SQSTM1: variants seen among roughly 807,000 people sequenced by gnomAD.
SQSTM1 encodes the protein sequestosome-1.
In SQSTM1, 36 loss-of-function variants were observed where a neutral mutation model predicts 45.1. That is an observed-to-expected ratio of 0.80 (90% CI 0.61 to 1.05). SQSTM1 has a LOEUF of 1.05. SQSTM1 is among the 50% of genes least tolerant of loss of function. SQSTM1 has a pLI of 0.00. For missense variants in SQSTM1, 617 were observed against 607.1 expected, an observed-to-expected ratio of 1.02 and a Z score of -0.17; for synonymous variants, 290 against 244.3, an observed-to-expected ratio of 1.19 and a Z score of -1.74.
chr5:179,809,325 ATTTT>A (rs71001049), intron 1 of SQSTM1, among the ~76,000 whole-genome samples: 1 of 41,074 alleles, frequency 2.4e-5, no homozygotes, highest in South Asian at 1.4e-3. Context: ...CGCCTGGCTA[ATTTT>A]TTTTTTTTTT....
intron 5 of SQSTM1, among the ~76,000 whole-genome samples, chr5:179,825,754 C>T (rs547168849): frequency 6.6e-6 from 1 of 152,274 alleles, no homozygotes; most frequent in African/African-American, 2.4e-5. Context: ...CCTCAGGTTG[C>T]ACAGTGGGTC....
chr5:179,837,732 G>A lies in SQSTM1; in HGVS notation c.*1139G>A, dbSNP rs1758665185. The A allele has an allele frequency of 1.9e-6, 3 of 1,614,206 alleles. No homozygotes were observed. The highest frequency in any genetic ancestry group is 2.2e-5 in the East Asian group (1 of 44,884). On this transcript the variant is annotated 3_prime_UTR_variant, in exon 8 of 8. Transcript: ENST00000389805. Reference sequence around the variant, plus strand: ...CTTTTTCTAGGTGGCAGGACAAATTGCGCCCATTTAGAGGATGTGGCTGTA... The same window carrying A: ...CTTTTTCTAGGTGGCAGGACAAATTACGCCCATTTAGAGGATGTGGCTGTA...
At chr5:179,833,338 C>A in intron 6 of SQSTM1, 92 bp downstream of exon 6, 1 of 1,286,656 alleles carries the variant, frequency 7.8e-7, no homozygotes, top group Non-Finnish European at 1.1e-6. Context: ...CCTCTGCAGC[C>A]CCACTTACAA....
At chr5:179,828,564 A>G (rs1398180236) in intron 5 of SQSTM1, among the ~76,000 whole-genome samples, 1 of 151,796 alleles carries the variant, frequency 6.6e-6, no homozygotes, top group Admixed American at 6.6e-5. Context: ...AGTAGAGACG[A>G]GGTTTCTCTG....
At chr5:179,811,053 T>TAA (rs1356928138) in intron 1 of SQSTM1, among the ~76,000 whole-genome samples, 1 of 152,058 alleles carries the variant, frequency 6.6e-6, no homozygotes, top group African/African-American at 2.4e-5. Context: ...CCATCTTAGC[T>TAA]AACACGGTGA....
chr5:179,813,386 G>A (rs547828575), intron 2 of SQSTM1: 2 of 152,382 alleles, frequency 1.3e-5, no homozygotes, highest in African/African-American at 4.8e-5. Context: ...GGCAGACCTG[G>A]GCAGGGCAGA....
At position 179,836,614 on chromosome 5, in the gene SQSTM1, T is replaced by C; in HGVS notation, c.*21T>C. On this transcript the variant is annotated 3_prime_UTR_variant, in exon 8 of 8. Transcript: ENST00000389805. The stretch of plus-strand genomic sequence containing the variant: ...TGTGACCACTTTTGCCCACCTCTTC[T>C]GCGTGCCCCTCTTCTGTCTCATAGT... 2 of 1,611,684 alleles carry C rather than the reference T, an allele frequency of 1.2e-6. No individual in the cohort carries two copies. Among genetic ancestry groups the C allele is most frequent in the South Asian group, 2.2e-5 (2 of 90,998 alleles).
intron 1 of SQSTM1, among the ~76,000 whole-genome samples, 156 bp downstream of exon 1, chr5:179,821,297 C>A (rs569485768): frequency 6.6e-6 from 1 of 152,322 alleles, no homozygotes; most frequent in Non-Finnish European, 1.5e-5. Context: ...CATGGGTCCC[C>A]AGTTCGGCCA....
At chr5:179,820,562 T>A, upstream of SQSTM1, 1 of 199,468 alleles carries the variant, frequency 5.0e-6, no homozygotes, top group Non-Finnish European at 1.0e-5. Context: ...TGCTGAGTCA[T>A]GGCCAGGCCC....
chr5:179,807,791 T>C (rs1757245812), intron 1 of SQSTM1: 3 of 152,316 alleles, frequency 2.0e-5, no homozygotes, highest in African/African-American at 7.2e-5. Flanking sequence ...TAGCTGGGAC[T>C]ACAGGCGGCC....
At chr5:179,835,211 C>A in intron 7 of SQSTM1, 1 of 190,882 alleles carries the variant, frequency 5.2e-6, no homozygotes, top group Non-Finnish European at 1.1e-5. Flanking sequence ...ACTGGGCAGC[C>A]AGGCAGAGGG....
chr5:179,808,142 C>T (rs1266853088), intron 1 of SQSTM1: 1 of 152,280 alleles, frequency 6.6e-6, no homozygotes, highest in Non-Finnish European at 1.5e-5. Flanking sequence ...CCCACCCGCC[C>T]GGGGGAGGCC....
At position 179,837,082 on chromosome 5, in the gene SQSTM1, G is replaced by A. The variant is rs1373934625; in HGVS notation, c.*489G>A. ...TGGGCTTCCTGCTGGGACTGAGAAG[G>A]CTCACGAAGGGCATCCGCAATGTTG... On this transcript the variant is annotated 3_prime_UTR_variant, in exon 8 of 8. Transcript: ENST00000389805. The A allele has an allele frequency of 2.5e-6, 2 of 808,522 alleles. No homozygotes were observed. Among genetic ancestry groups the A allele is most frequent in the East Asian group, 2.7e-5 (1 of 37,682 alleles). The allele number at this position is 808,522 out of a possible 1,614,324, so 50.1% of individuals were successfully genotyped here.
Position 179,837,726 on chromosome 5 carries a change from C to T in SQSTM1, c.*1133C>T. On this transcript the variant is annotated 3_prime_UTR_variant, in exon 8 of 8. Transcript: ENST00000389805. ...TGTGAACTTTTTCTAGGTGGCAGGA[C>T]AAATTGCGCCCATTTAGAGGATGTG... The T allele has an allele frequency of 2.0e-5, 32 of 1,614,250 alleles. No individual in the cohort carries two copies. Among genetic ancestry groups the T allele is most frequent in the Non-Finnish European group, 2.7e-5 (32 of 1,180,044 alleles).
At chr5:179,808,355 GCTC>G (rs1223794483) in intron 1 of SQSTM1, 1 of 152,244 alleles carries the variant, frequency 6.6e-6, no homozygotes, top group Non-Finnish European at 1.5e-5. Flanking sequence ...CCCACTCAGT[GCTC>G]CTGGAACTTT....
rs1260029848 is a variant in SQSTM1 at position 179,827,938 on chromosome 5, G to A, written c.754+2712G>A. ...GTGAAGTGCCAAGGCCTTTTGGTTG[G>A]GGGGCTGAGAACCTGCTGAGGGAGC... On this transcript the variant is annotated intron_variant, in intron 5 of 7. Transcript: ENST00000389805. Among the ~76,000 whole-genome samples the A allele has an allele frequency of 2.6e-5, 4 of 152,224 alleles. 1 individual carries two copies. In the South Asian group the frequency reaches 6.2e-4, roughly 24 times the overall value.
chr5:179,831,928 C>T (rs968017005), intron 5 of SQSTM1, among the ~76,000 whole-genome samples: 2 of 151,930 alleles, frequency 1.3e-5, no homozygotes, highest in Non-Finnish European at 2.9e-5. Context: ...AGACTACAGG[C>T]GATTGCCACC....
intron 1 of SQSTM1, among the ~76,000 whole-genome samples, chr5:179,807,109 G>C (rs1474936530): frequency 6.6e-6 from 1 of 151,644 alleles, no homozygotes; most frequent in Admixed American, 6.6e-5. Flanking sequence ...GTGGGCTCGT[G>C]CGAGTCGGCC....
At position 179,833,193 on chromosome 5, in the gene SQSTM1, T is replaced by C. The variant is rs1758326393; in HGVS notation, c.916T>C (p.Ser306Pro). 6.2e-7 allele frequency: 1 copy of C among 1,613,166 alleles called. No homozygotes were observed. The highest frequency in any genetic ancestry group is 1.1e-5 in the South Asian group (1 of 91,006). Residue 306 changes from serine (S) to proline (P), a missense_variant, in exon 6 of 8, where the codon TCT becomes CCT. By Grantham distance (74) the Ser-to-Pro change is moderately conservative (BLOSUM62 -1). Coordinates refer to ENST00000389805, the MANE Select transcript of SQSTM1 (RefSeq NM_003900.5). Reference protein sequence around the residue: ...PGGNVEGATQSLAEQMRKIAL... With the variant: ...PGGNVEGATQPLAEQMRKIAL... ...TGGGAATGTTGAGGGCGCCACGCAG[T>C]CTCTGGCGGAGCAGATGAGGAAGAT... is the stretch of plus-strand genomic sequence containing the variant.
Sources: gnomAD v4.1 joint callset for allele counts (sites outside exome capture counted in the v4.1 genomes callset) on GRCh38, gnomAD v4.1.1 for gene constraint, MANE v1.5 for transcripts, NCBI Gene and HGNC (gene_info 2026-07-23, HGNC 2026-07-21) for gene names.